The following TRPM3 variants were observed in gnomAD, a reference collection of about 807,000 sequenced individuals.
The protein encoded by TRPM3 is long transient receptor potential channel 3.
A neutral mutation model predicts 181.2 loss-of-function variants in TRPM3; 77 were observed. The observed-to-expected ratio is 0.42, with a 90% CI of 0.35 to 0.51. The LOEUF is 0.51. TRPM3 is among the 20% of genes least tolerant of loss of function. The pLI is 0.01. For synonymous variants in TRPM3, 745 were observed against 796.4 expected, an observed-to-expected ratio of 0.94 and a Z score of 1.09; for missense variants, 1,759 against 2,196.7, an observed-to-expected ratio of 0.80 and a Z score of 3.98.
At chr9:71,077,575 T>C (rs1292238987) in intron 1 of TRPM3, among the ~76,000 whole-genome samples, 1 of 152,202 alleles carries the variant, frequency 6.6e-6, no homozygotes, top group East Asian at 1.9e-4. Flanking sequence ...TGCAAGATGT[T>C]TGAAGTTTGA....
At chr9:70,832,001 A>ATATATATATATTTAT (rs1564497915) in intron 5 of TRPM3, among the ~76,000 whole-genome samples, 1 of 126,062 alleles carries the variant, frequency 7.9e-6, no homozygotes, top group African/African-American at 2.9e-5. Flanking sequence ...ATATATACCT[A>ATATATATATATTTAT]CTATGTACCC....
intron 3 of TRPM3, among the ~76,000 whole-genome samples, chr9:70,857,013 C>G (rs909662819): frequency 6.6e-6 from 1 of 152,158 alleles, no homozygotes; most frequent in Non-Finnish European, 1.5e-5. Context: ...AGACATGATA[C>G]TATGTTGGCT....
intron 1 of TRPM3, among the ~76,000 whole-genome samples, chr9:71,347,076 T>A (rs1391459085): frequency 6.6e-6 from 1 of 152,236 alleles, no homozygotes; most frequent in Non-Finnish European, 1.5e-5. Flanking sequence ...GTGCTGACTA[T>A]ATATTCTGCT....
chr9:71,062,809 C>T (rs1040599227), intron 1 of TRPM3, among the ~76,000 whole-genome samples: 3 of 152,048 alleles, frequency 2.0e-5, no homozygotes, highest in Admixed American at 1.3e-4. Context: ...TCCCCTCTCA[C>T]TCACACCCTC....
intron 1 of TRPM3, among the ~76,000 whole-genome samples, chr9:71,286,903 G>T (rs2085316634): frequency 8.2e-6 from 1 of 122,558 alleles, no homozygotes; most frequent in Non-Finnish European, 1.8e-5. Flanking sequence ...ACCTCTCACA[G>T]AAGCATTCTT....
chr9:70,775,242 T>G (rs1403912925), intron 7 of TRPM3: 3 of 152,138 alleles, frequency 2.0e-5, no homozygotes, highest in Admixed American at 2.0e-4. Flanking sequence ...TCAGATAAAT[T>G]TGTGGGTTTT....
At chr9:71,149,122 C>T (rs975171935) in intron 1 of TRPM3, among the ~76,000 whole-genome samples, 21 of 152,074 alleles carry the variant, frequency 1.4e-4, no homozygotes, top group Admixed American at 3.3e-4. Flanking sequence ...AAATATAGGC[C>T]GGAGTGGTAG....
chr9:70,823,305 G>A (rs896313370), intron 6 of TRPM3, among the ~76,000 whole-genome samples: 6 of 152,052 alleles, frequency 3.9e-5, no homozygotes, highest in Non-Finnish European at 7.4e-5. Flanking sequence ...TAATCTCTAC[G>A]TACTATAGCA....
chr9:71,196,258 ATTTG>A (rs1460752464), intron 1 of TRPM3, among the ~76,000 whole-genome samples: 1 of 148,578 alleles, frequency 6.7e-6, no homozygotes, highest in East Asian at 2.0e-4. Flanking sequence ...GGTCTTAATT[ATTTG>A]TTTTTCTTTT....
At chr9:71,167,893 G>A (rs937801860) in intron 1 of TRPM3, among the ~76,000 whole-genome samples, 1 of 152,080 alleles carries the variant, frequency 6.6e-6, no homozygotes, top group African/African-American at 2.4e-5. Flanking sequence ...GTAGAATAAA[G>A]AAAACTGTAA....
intron 1 of TRPM3, among the ~76,000 whole-genome samples, chr9:71,042,734 C>G (rs769187061): frequency 1.3e-5 from 2 of 152,292 alleles, no homozygotes; most frequent in Non-Finnish European, 2.9e-5. Context: ...ACTCTTCATT[C>G]TCTTTTTACC....
At chr9:70,887,596 C>G (rs2096112787) in intron 1 of TRPM3, among the ~76,000 whole-genome samples, 1 of 152,144 alleles carries the variant, frequency 6.6e-6, no homozygotes, top group African/African-American at 2.4e-5. Flanking sequence ...GAAGAGGCTT[C>G]TGGCAGGCAA....
At chr9:71,374,167 G>A (rs2092605238) in intron 1 of TRPM3, among the ~76,000 whole-genome samples, 1 of 152,156 alleles carries the variant, frequency 6.6e-6, no homozygotes, top group Non-Finnish European at 1.5e-5. Context: ...CCTGAGGTCA[G>A]GAGTTCGAGA....
chr9:71,148,957 T>G (rs1240577790), intron 1 of TRPM3, among the ~76,000 whole-genome samples: 6 of 152,174 alleles, frequency 3.9e-5, no homozygotes, highest in Non-Finnish European at 8.8e-5. Flanking sequence ...TAGCCTTTCT[T>G]TTTAGAGCTG....
chr9:71,390,917 A>T (rs1369728971), intron 1 of TRPM3, among the ~76,000 whole-genome samples: 1 of 152,104 alleles, frequency 6.6e-6, no homozygotes, highest in South Asian at 2.1e-4. Flanking sequence ...GGAAAATTAT[A>T]GTTCAAGCAA....
At chr9:70,607,152 T>A (rs1319139846) in intron 19 of TRPM3, among the ~76,000 whole-genome samples, 1 of 152,176 alleles carries the variant, frequency 6.6e-6, no homozygotes, top group Non-Finnish European at 1.5e-5. Flanking sequence ...GGACCCAATC[T>A]GCTCCTAGAG....
At chr9:71,090,096 C>G (rs1006751374) in intron 1 of TRPM3, among the ~76,000 whole-genome samples, 1 of 152,122 alleles carries the variant, frequency 6.6e-6, no homozygotes, top group Non-Finnish European at 1.5e-5. Context: ...TAATACAGGA[C>G]AGCATAGGGC....
intron 1 of TRPM3, among the ~76,000 whole-genome samples, chr9:70,878,120 C>T (rs1388534289): frequency 6.6e-6 from 1 of 151,926 alleles, no homozygotes; most frequent in Non-Finnish European, 1.5e-5. Flanking sequence ...CTGTTGATTC[C>T]AATGTTAATG....
intron 8 of TRPM3, among the ~76,000 whole-genome samples, chr9:70,693,073 A>C (rs1217113010): frequency 3.3e-5 from 5 of 152,188 alleles, no homozygotes; most frequent in African/African-American, 1.2e-4. Flanking sequence ...AAACAAGTGA[A>C]AATTCTTCAT....
Sources: gnomAD v4.1 joint callset for allele counts (sites outside exome capture counted in the v4.1 genomes callset) on GRCh38, gnomAD v4.1.1 for gene constraint, MANE v1.5 for transcripts, NCBI Gene and HGNC (gene_info 2026-07-23, HGNC 2026-07-21) for gene names.